Variants in UBE3B observed in about 807,000 individuals in gnomAD.
UBE3B encodes the protein ubiquitin protein ligase E3B.
Under a neutral mutation model 132.3 loss-of-function variants are expected in UBE3B, and 80 were observed. The observed-to-expected ratio is 0.60, with a 90% CI of 0.50 to 0.73. The LOEUF (loss-of-function observed/expected upper bound fraction) is 0.73. Ranked by LOEUF, UBE3B falls within the 30% of genes least tolerant of loss-of-function variation. The pLI is 0.00. For missense variants in UBE3B, 1,196 were observed against 1,362.5 expected (o/e 0.88, Z 1.92); for synonymous variants, 487 against 520.4 (o/e 0.94, Z 0.87).
Position 109,525,105 on chromosome 12 carries a change from A to G in UBE3B, c.2568+602A>G, listed in dbSNP as rs376481440. 4.6e-5 allele frequency among the ~76,000 whole-genome samples: 7 copies of G among 151,800 alleles called. No individual in the cohort carries two copies. In the East Asian group the frequency reaches 1.2e-3, roughly 25 times the overall value. On this transcript the variant is annotated intron_variant, in intron 23 of 27. Transcript: ENST00000342494. ...TCTTAATGCAGAGCCGACTTATTAG[A>G]CTCGCGCTTGGGCACCTCAGAACCC...
chr12:109,488,820 G>C, intron 7 of UBE3B, 152 bp downstream of exon 7: 1 of 682,980 alleles, frequency 1.5e-6, no homozygotes, highest in Non-Finnish European at 2.6e-6. Flanking sequence ...CTGACCATCA[G>C]ACTGCATCGC....
intron 8 of UBE3B, chr12:109,490,430 G>T (rs1450049893): frequency 1.1e-5 from 17 of 1,531,924 alleles, no homozygotes; most frequent in Non-Finnish European, 8.7e-7. Context: ...GCTGTTTAAA[G>T]GTACAATGGA....
intron 4 of UBE3B, among the ~76,000 whole-genome samples, chr12:109,485,417 T>C (rs896366404): frequency 6.6e-6 from 1 of 152,226 alleles, no homozygotes; most frequent in Non-Finnish European, 1.5e-5. Flanking sequence ...TGAGGACAGA[T>C]AAGCTGGAGG....
Position 109,483,547 on chromosome 12 carries a change from C to G in UBE3B, c.-5C>G. Reference sequence around the variant, plus strand: ...TCCTTGCAGGGTTTGTGCAAGTTTGCAAACATGTTCACCCTGTCTCAGACC... The same window carrying G: ...TCCTTGCAGGGTTTGTGCAAGTTTGGAAACATGTTCACCCTGTCTCAGACC... On this transcript the variant is annotated 5_prime_UTR_variant, in exon 3 of 28. Transcript: ENST00000342494. 1 of 1,555,720 alleles carries G rather than the reference C, an allele frequency of 6.4e-7. No individual in the cohort carries two copies. Among genetic ancestry groups the G allele is most frequent in the Non-Finnish European group, 8.7e-7 (1 of 1,155,306 alleles).
At chr12:109,542,553 G>T in the UBE3B span, among the ~76,000 whole-genome samples, 1 of 152,308 alleles carries the variant, frequency 6.6e-6, no homozygotes, top group South Asian at 2.1e-4. Flanking sequence ...TGGAAATAGG[G>T]TTGTTGTAGA....
the UBE3B span, among the ~76,000 whole-genome samples, chr12:109,545,931 C>T: frequency 2.6e-5 from 4 of 151,982 alleles, no homozygotes; most frequent in Admixed American, 1.3e-4. Context: ...AGTAAAGGGC[C>T]GATCTACCCT....
In UBE3B at chr12:109,534,080, TA is replaced by T; in HGVS notation, c.3016-506del. Reference sequence around the variant, plus strand: ...GCTCAAATGAGAGTCCTACTCCCCATAAAAACCCAGTGGCCGCCTCTGGGTG... The same window carrying T: ...GCTCAAATGAGAGTCCTACTCCCCATAAAACCCAGTGGCCGCCTCTGGGTG... On this transcript the variant is annotated intron_variant, in intron 27 of 27. Transcript: ENST00000342494. This position sits in a 1 kb window ranked among gnomAD's most constrained non-coding sequence, Gnocchi z 5.2. 1 of 1,294,080 alleles carries T rather than the reference TA, an allele frequency of 7.7e-7. No homozygotes were observed. Among genetic ancestry groups the T allele is most frequent in the South Asian group, 1.2e-5 (1 of 81,064 alleles). 80.2% of individuals were successfully genotyped at this position (1,294,080 alleles called of 1,614,324 possible).
rs185932867 is a variant in UBE3B at position 109,521,926 on chromosome 12, G to A, written c.2364+375G>A. On this transcript the variant is annotated intron_variant, in intron 21 of 27. Coordinates refer to ENST00000342494, the MANE Select transcript of UBE3B (RefSeq NM_130466.4). The surrounding 1 kb of genome is among the most constrained non-coding windows in gnomAD (Gnocchi z 4.2). ...TTTCCTGAGGCATGAGGAGTGGTGT[G>A]CAGAGCCAGATGGCCACACGGAGGC... 1.4e-3 allele frequency among the ~76,000 whole-genome samples: 214 copies of A among 152,302 alleles called. No homozygotes were observed. The highest frequency in any genetic ancestry group is 4.4e-3 in the African/African-American group (182 of 41,566).
At chr12:109,505,475 A>G (rs1444425947) in intron 14 of UBE3B, among the ~76,000 whole-genome samples, 2 of 152,194 alleles carry the variant, frequency 1.3e-5, no homozygotes, top group African/African-American at 2.4e-5. Context: ...CTTTTATCCC[A>G]TAGGAGTATA....
chr12:109,488,281 T>C (rs1382189187), intron 6 of UBE3B, among the ~76,000 whole-genome samples: 1 of 152,190 alleles, frequency 6.6e-6, no homozygotes, highest in African/African-American at 2.4e-5. Flanking sequence ...GGCAGGCACA[T>C]GTACATACAG....
intron 18 of UBE3B, among the ~76,000 whole-genome samples, chr12:109,516,420 G>A (rs530855275): frequency 6.6e-5 from 10 of 152,070 alleles, no homozygotes; most frequent in Admixed American, 4.6e-4. Flanking sequence ...CAGGTAATCC[G>A]CCCACCTGGG....
At chr12:109,507,041 C>T (rs147257008) in intron 14 of UBE3B, among the ~76,000 whole-genome samples, 1 of 152,346 alleles carries the variant, frequency 6.6e-6, no homozygotes, top group African/African-American at 2.4e-5. Context: ...GTTCTGAGGG[C>T]TGCCTGATGG....
At chr12:109,500,160 A>G (rs1434512274) in intron 12 of UBE3B, among the ~76,000 whole-genome samples, 4 of 152,186 alleles carry the variant, frequency 2.6e-5, no homozygotes, top group Non-Finnish European at 5.9e-5. Context: ...AGACTGCCAT[A>G]TTTTGGAGAT....
In UBE3B at chr12:109,516,812, G is replaced by C. The variant is rs1278934408; in HGVS notation, c.2004G>C (p.Leu668=). 2.5e-6 allele frequency: 4 copies of C among 1,614,058 alleles called. No homozygotes were observed. The East Asian group carries it at 8.9e-5, about 36-fold the overall frequency. ...RTMVTKEKEK[L]GLVETSSASP... is the part of the protein sequence containing the mutation. ...TGGTTACCAAGGAGAAGGAGAAACT[G>C]GGGCTGGTGGAAACCAGCTCTGCCT... The change falls in exon 19 of 28, where the codon CTG becomes CTC. Residue 668 remains leucine, a synonymous_variant. Transcript: ENST00000342494.
Position 109,501,396 on chromosome 12 carries a change from A to C in UBE3B, c.1144A>C (p.Thr382Pro). 1 of 1,614,150 alleles carries C rather than the reference A, an allele frequency of 6.2e-7. No individual in the cohort carries two copies. Among genetic ancestry groups the C allele is most frequent in the Non-Finnish European group, 8.5e-7 (1 of 1,180,036 alleles). The change falls in exon 13 of 28, where the codon ACC becomes CCC. Residue 382 changes from threonine to proline, a missense_variant. Coordinates refer to ENST00000342494, the MANE Select transcript of UBE3B (RefSeq NM_130466.4). ...YGLNESMHLITKQLQFLWGVP... is the reference protein window; with the variant it reads ...YGLNESMHLIPKQLQFLWGVP... Reference sequence around the variant, plus strand: ...CCTTAACGAGTCAATGCACTTGATCACCAAACAGCTGCAGTTCTTGTGGGG... The same window carrying C: ...CCTTAACGAGTCAATGCACTTGATCCCCAAACAGCTGCAGTTCTTGTGGGG...
chr12:109,514,994 A>G (rs1209393975), intron 18 of UBE3B, among the ~76,000 whole-genome samples: 2 of 151,578 alleles, frequency 1.3e-5, no homozygotes, highest in Non-Finnish European at 2.9e-5. Flanking sequence ...GCTCACTGCA[A>G]GCTCCACCTA....
In UBE3B at chr12:109,533,487, C is replaced by A. The variant is rs148729825; in HGVS notation, c.2944C>A (p.Pro982Thr). ...FLKFVTSCSR[P>T]PLLGFAYLKP... ...GCAGTTCGTGACCAGCTGCTCCAGACCCCCGCTCCTGGGATTCGCCTACCT... is the reference window on the plus strand; with the variant it reads ...GCAGTTCGTGACCAGCTGCTCCAGAACCCCGCTCCTGGGATTCGCCTACCT... The change falls in exon 27 of 28, where the codon CCC becomes ACC. Residue 982 changes from proline to threonine, a missense_variant. Transcript: ENST00000342494. The A allele has an allele frequency of 2.5e-6, 4 of 1,614,130 alleles. No individual in the cohort carries two copies. Among genetic ancestry groups the A allele is most frequent in the Non-Finnish European group, 3.4e-6 (4 of 1,180,010 alleles).
chr12:109,488,973 T>C (rs184656260), intron 7 of UBE3B, among the ~76,000 whole-genome samples: 3 of 152,260 alleles, frequency 2.0e-5, no homozygotes, highest in Admixed American at 2.0e-4. Context: ...TTAAGCCTTG[T>C]CATTTTACTT....
At chr12:109,496,465 A>C (rs1391865036) in intron 9 of UBE3B, among the ~76,000 whole-genome samples, 2 of 152,158 alleles carry the variant, frequency 1.3e-5, no homozygotes, top group Non-Finnish European at 2.9e-5. Flanking sequence ...TTGCCAAATT[A>C]TTTTCCAGAG....
Sources: allele counts gnomAD v4.1 joint callset (sites outside exome capture counted in the v4.1 genomes callset), GRCh38; gene constraint gnomAD v4.1.1; non-coding constraint Gnocchi (gnomAD v3.1); transcripts MANE v1.5; gene names NCBI Gene and HGNC (gene_info 2026-07-23, HGNC 2026-07-21).